ECPAS: variants seen among roughly 807,000 people sequenced by gnomAD.
The protein encoded by ECPAS is Ecm29 proteasome adaptor and scaffold.
ECPAS carries 70 observed loss-of-function variants against 255.1 expected under a neutral mutation model. That is an observed-to-expected ratio of 0.27 (90% CI 0.23 to 0.33). The LOEUF is 0.33. Among genes scored for constraint, ECPAS ranks in the 10% least tolerant of loss-of-function variants. The probability of loss-of-function intolerance (pLI) is 1.00; values close to 1 mark genes in which losing one functional copy is unlikely to be tolerated. For synonymous variants in ECPAS, 784 were observed against 775.0 expected (o/e 1.01, Z -0.19); for missense variants, 1,817 against 2,206.4 (o/e 0.82, Z 3.54).
intron 1 of ECPAS, among the ~76,000 whole-genome samples, chr9:111,477,548 G>C (rs901143348): frequency 1.3e-5 from 2 of 152,106 alleles, no homozygotes; most frequent in African/African-American, 2.4e-5. Flanking sequence ...AAGCCATTTT[G>C]ATCTTGTTAT....
chr9:111,367,884 C>CA (rs1420366734), intron 46 of ECPAS, among the ~76,000 whole-genome samples: 1 of 151,398 alleles, frequency 6.6e-6, no homozygotes. Context: ...CTCACCTCTT[C>CA]AAAAAAAATT....
intron 26 of ECPAS, 78 bp downstream of exon 26, chr9:111,394,082 C>G (rs973363713): frequency 1.3e-5 from 17 of 1,354,722 alleles, no homozygotes; most frequent in Non-Finnish European, 1.7e-5. Flanking sequence ...GGTTAATGAC[C>G]TTCACCCTCA....
chr9:111,449,550 T>C (rs1428160954), intron 3 of ECPAS, among the ~76,000 whole-genome samples: 4 of 151,950 alleles, frequency 2.6e-5, no homozygotes, highest in Middle Eastern at 3.2e-3. Flanking sequence ...GATACACAAC[T>C]GAACATTTAA....
chr9:111,426,435 A>G (rs918497621), intron 10 of ECPAS, among the ~76,000 whole-genome samples: 5 of 152,136 alleles, frequency 3.3e-5, no homozygotes, highest in Non-Finnish European at 7.3e-5. Flanking sequence ...ATCTTATTTA[A>G]CAATAACATG....
At chr9:111,440,546 CA>C in intron 5 of ECPAS, 25 bp from the exon 6 acceptor site, 1 of 1,517,574 alleles carries the variant, frequency 6.6e-7, no homozygotes, top group Non-Finnish European at 8.9e-7. Flanking sequence ...ACATTTATTG[CA>C]ACTACTTAAA....
chr9:111,374,319 C>T (rs951147362), intron 38 of ECPAS, among the ~76,000 whole-genome samples: 2 of 152,162 alleles, frequency 1.3e-5, no homozygotes, highest in Non-Finnish European at 2.9e-5. Context: ...CATCACTGTG[C>T]TAACATTTCC....
Position 111,421,956 on chromosome 9 carries a change from G to T in ECPAS, c.1420C>A (p.Leu474Ile), listed in dbSNP as rs2098214632. Residue 474 changes from leucine (L) to isoleucine (I), a missense_variant, in exon 15 of 50, where the codon CTC becomes ATC. Leu to Ile is a conservative substitution (Grantham distance 5). Around this residue, in one of 4 missense-constraint regions of ECPAS, gnomAD observed 573 missense variants for 716.2 expected, o/e 0.80. Transcript: ENST00000684092. ...TACGAAGCCACAAGTGCCTCCATGA[G>T]AGTTCGCTGTGCCCCTTCCAAAGTA... ...YSTLEGAQRT[L>I]MEALVASYLI... 6.2e-7 allele frequency: 1 copy of T among 1,613,532 alleles called. No individual in the cohort carries two copies. The highest frequency in any genetic ancestry group is 1.3e-5 in the African/African-American group (1 of 74,912).
intron 1 of ECPAS, among the ~76,000 whole-genome samples, chr9:111,477,485 A>G (rs2098297849): frequency 6.6e-6 from 1 of 152,116 alleles, no homozygotes; most frequent in Non-Finnish European, 1.5e-5. Context: ...CACATTTTAT[A>G]CACTACAGAA....
rs780802568 is a variant in ECPAS at position 111,436,986 on chromosome 9, T to C, written c.662A>G (p.Lys221Arg). Residue 221 changes from lysine (K) to arginine (R), a missense_variant, in exon 7 of 50, where the codon AAA becomes AGA. This residue lies in a region of ECPAS where 573 missense variants were observed against 716.2 expected (regional missense o/e 0.80). Transcript: ENST00000684092. The stretch of plus-strand genomic sequence containing the variant: ...CCATGGGTTATCACCAATAACTCGT[T>C]TGGCTGCATAAAAGCTCATTCCCGG... ...PPPGMSFYAA[K>R]RVIGDNPWTP... The C allele has an allele frequency of 1.2e-6, 2 of 1,613,130 alleles. No individual in the cohort carries two copies. The highest frequency in any genetic ancestry group is 1.3e-5 in the African/African-American group (1 of 74,900).
chr9:111,418,549 T>G (rs978300586), intron 16 of ECPAS, among the ~76,000 whole-genome samples: 6 of 152,118 alleles, frequency 3.9e-5, no homozygotes, highest in African/African-American at 1.4e-4. Context: ...ATTCTTCAAT[T>G]GCCTCTGATT....
chr9:111,421,121 C>A (rs1398659428), intron 15 of ECPAS, among the ~76,000 whole-genome samples: 1 of 152,192 alleles, frequency 6.6e-6, no homozygotes, highest in African/African-American at 2.4e-5. Context: ...ACCACATGCA[C>A]TGCACACTAA....
intron 2 of ECPAS, among the ~76,000 whole-genome samples, chr9:111,457,394 T>A (rs548042899): frequency 6.6e-6 from 1 of 151,840 alleles, no homozygotes; most frequent in African/African-American, 2.4e-5. Context: ...AGGGAAAAAA[T>A]TATTAGACTG....
chr9:111,445,058 C>G (rs937805638), intron 3 of ECPAS, among the ~76,000 whole-genome samples: 1 of 136,208 alleles, frequency 7.3e-6, no homozygotes, highest in Non-Finnish European at 1.5e-5. Flanking sequence ...TGTAGTGGTG[C>G]GATCTCAGCT....
chr9:111,452,654 G>A (rs1297770355), intron 2 of ECPAS, among the ~76,000 whole-genome samples: 3 of 152,220 alleles, frequency 2.0e-5, no homozygotes, highest in East Asian at 3.9e-4. Context: ...ATTTTCTACA[G>A]GAAGATAGAT....
chr9:111,386,153 G>A (rs1233402460), intron 32 of ECPAS, among the ~76,000 whole-genome samples: 5 of 152,084 alleles, frequency 3.3e-5, no homozygotes, highest in African/African-American at 4.8e-5. Flanking sequence ...TAGTAGAGAC[G>A]GGGTTTCACC....
Position 111,376,498 on chromosome 9 carries a change from G to C in ECPAS, c.3998C>G (p.Pro1333Arg). 1 of 1,599,528 alleles carries C rather than the reference G, an allele frequency of 6.3e-7. No individual in the cohort carries two copies. The highest frequency in any genetic ancestry group is 8.5e-7 in the Non-Finnish European group (1 of 1,172,598). The part of the protein sequence containing the change: ...SARLSAAKSS[P>R]MMETINMCLQ... ...CACCATGTTGATTGTTTCCATCATT[G>C]GAGAAGATTTGGCAGCACTAAGCCG... Residue 1333 changes from proline (P) to arginine (R), a missense_variant, in exon 37 of 50, where the codon CCA becomes CGA. Physicochemically the swap from Pro to Arg is moderately radical, Grantham distance 103. This residue lies in a region of ECPAS where 960 missense variants were observed against 1,179.0 expected (regional missense o/e 0.81). Transcript: ENST00000684092.
At chr9:111,396,226 T>C (rs1206459583) in intron 25 of ECPAS, among the ~76,000 whole-genome samples, 2 of 152,220 alleles carry the variant, frequency 1.3e-5, no homozygotes, top group Non-Finnish European at 2.9e-5. Flanking sequence ...TACTAAAATA[T>C]ATTTTCAATT....
In ECPAS at chr9:111,428,080, A is replaced by G. The variant is rs1421712237; in HGVS notation, c.1012T>C (p.Ser338Pro). 6.2e-7 allele frequency: 1 copy of G among 1,613,562 alleles called. No individual in the cohort carries two copies. The highest frequency in any genetic ancestry group is 1.3e-5 in the African/African-American group (1 of 74,926). ...GGGAACGTTTCAGCAGCTTGTCTAG[A>G]GCGGAGGAGATGGGGGACAATCTTT... is the stretch of plus-strand genomic sequence containing the variant. ...KLKIVPHLLR[S>P]RQAAETFPAN... The change falls in exon 10 of 50, where the codon TCT becomes CCT. Residue 338 changes from serine to proline, a missense_variant. Ser to Pro is a moderately conservative substitution (Grantham distance 74). This residue lies in a region of ECPAS where 573 missense variants were observed against 716.2 expected (regional missense o/e 0.80). Coordinates refer to ENST00000684092, the MANE Select transcript of ECPAS (RefSeq NM_001364929.1).
chr9:111,479,007 G>A (rs955902942), intron 1 of ECPAS, among the ~76,000 whole-genome samples: 15 of 152,198 alleles, frequency 9.9e-5, no homozygotes, highest in African/African-American at 3.4e-4. Flanking sequence ...ATGGTGCAAA[G>A]AGGTAAGATG....
Sources: gnomAD v4.1 joint callset for allele counts (sites outside exome capture counted in the v4.1 genomes callset) on GRCh38, gnomAD v4.1.1 for gene constraint, gnomAD v4.1.1 regional missense constraint, MANE v1.5 for transcripts, NCBI Gene and HGNC (gene_info 2026-07-23, HGNC 2026-07-21) for gene names.